MICALL1: variants seen among roughly 807,000 people sequenced by gnomAD.
The protein encoded by MICALL1 is MICAL-like protein 1.
Under a neutral mutation model 83.7 loss-of-function variants are expected in MICALL1, and 61 were observed. The observed-to-expected ratio is 0.73, with a 90% CI of 0.59 to 0.90. The LOEUF (loss-of-function observed/expected upper bound fraction) is 0.90, where lower values mean the gene tolerates loss of function less well. MICALL1 is among the 40% of genes least tolerant of loss of function. The probability of loss-of-function intolerance (pLI) is 0.00; values close to 1 mark genes in which losing one functional copy is unlikely to be tolerated. For synonymous variants in MICALL1, 481 were observed against 473.6 expected (o/e 1.02, Z -0.20); for missense variants, 1,066 against 1,152.0 (o/e 0.93, Z 1.08).
At chr22:37,920,775 T>C (rs1928980913) in intron 5 of MICALL1, among the ~76,000 whole-genome samples, 1 of 151,466 alleles carries the variant, frequency 6.6e-6, no homozygotes, top group South Asian at 2.1e-4. Context: ...CAAAAAAAAT[T>C]AGCCGGGCAT....
chr22:37,941,972 G>T lies in MICALL1; in HGVS notation c.*1142G>T, dbSNP rs968513315. 1.3e-5 allele frequency: 2 copies of T among 152,234 alleles called. No homozygotes were observed. The highest frequency in any genetic ancestry group is 2.1e-4 in the South Asian group (1 of 4,838). 9.4% of individuals were successfully genotyped at this position (152,234 alleles called of 1,614,324 possible). The stretch of plus-strand genomic sequence containing the variant: ...AGATTACACTGTATTAACTCTCGAG[G>T]AGTTTCCTCACCAATAAACAGACAA... On this transcript the variant is annotated 3_prime_UTR_variant, in exon 16 of 16. Coordinates refer to ENST00000215957, the MANE Select transcript of MICALL1 (RefSeq NM_033386.4).
rs759466360 is a variant in MICALL1 at position 37,924,658 on chromosome 22, A to C, written c.1025-2A>C. The C allele has an allele frequency of 6.2e-7, 1 of 1,611,746 alleles. No homozygotes were observed. On this transcript the variant is annotated splice_acceptor_variant, in intron 6 of 15. Coordinates refer to ENST00000215957, the MANE Select transcript of MICALL1 (RefSeq NM_033386.4). LOFTEE classifies it high-confidence loss of function. The surrounding 1 kb of genome is among the most constrained non-coding windows in gnomAD (Gnocchi z 5.2). ...CCTGGCTCACTCTCCTTTCCCATCT[A>C]GGGAGACTGCACGAACTGCCTGTCC... is the stretch of plus-strand genomic sequence containing the variant.
At position 37,924,998 on chromosome 22, in the gene MICALL1, C is replaced by T. The variant is rs1929331973; in HGVS notation, c.1082+281C>T. Reference sequence around the variant, plus strand: ...CTCTCCAGGCTCCTTTGCCCTGTAACATGGGAGGCCGAGGCTTGATTATAG... The same window carrying T: ...CTCTCCAGGCTCCTTTGCCCTGTAATATGGGAGGCCGAGGCTTGATTATAG... On this transcript the variant is annotated intron_variant, in intron 7 of 15. Coordinates refer to ENST00000215957, the MANE Select transcript of MICALL1 (RefSeq NM_033386.4). This position sits in a 1 kb window ranked among gnomAD's most constrained non-coding sequence, Gnocchi z 5.2. Among the ~76,000 whole-genome samples the T allele has an allele frequency of 6.6e-6, 1 of 152,170 alleles. No homozygotes were observed. Among genetic ancestry groups the T allele is most frequent in the African/African-American group, 2.4e-5 (1 of 41,450 alleles).
chr22:37,935,167 C>A (rs899448238), intron 13 of MICALL1, among the ~76,000 whole-genome samples: 4 of 146,892 alleles, frequency 2.7e-5, no homozygotes, highest in Non-Finnish European at 6.0e-5. Flanking sequence ...CTCCTGACCT[C>A]GTGATCCACC....
intron 1 of MICALL1, among the ~76,000 whole-genome samples, chr22:37,908,467 ATTTG>A (rs1210916512): frequency 6.6e-6 from 1 of 151,768 alleles, no homozygotes; most frequent in Non-Finnish European, 1.5e-5. Flanking sequence ...CGCCTGTCTA[ATTTG>A]TTTGTATTTG....
chr22:37,910,930 G>A (rs1928279396), intron 1 of MICALL1, among the ~76,000 whole-genome samples: 1 of 152,228 alleles, frequency 6.6e-6, no homozygotes, highest in South Asian at 2.1e-4. Context: ...CTCAGAGGCG[G>A]CGTGGCCTGC....
intron 10 of MICALL1, 62 bp downstream of exon 10, chr22:37,931,995 T>TGCAGTCTTCCCCTGGGACTCTAAGGAG: frequency 6.3e-7 from 1 of 1,580,870 alleles, no homozygotes; most frequent in Non-Finnish European, 8.6e-7. Flanking sequence ...ACTCTGCAGC[T>TGCAGTCTTCCCCTGGGACTCTAAGGAG]GCAGTCTTCC....
intron 8 of MICALL1, 85 bp from the exon 9 acceptor site, chr22:37,927,326 C>G: frequency 7.1e-7 from 1 of 1,408,306 alleles, no homozygotes; most frequent in East Asian, 2.5e-5. Flanking sequence ...CTGCCTGCGG[C>G]TCTGTTGAGA....
intron 13 of MICALL1, among the ~76,000 whole-genome samples, chr22:37,935,669 C>G (rs1039035315): frequency 6.6e-6 from 1 of 152,030 alleles, no homozygotes; most frequent in Non-Finnish European, 1.5e-5. Context: ...TTTCCTGCCT[C>G]AGCCTCCCCA....
chr22:37,907,856 A>G (rs1928066578), intron 1 of MICALL1, among the ~76,000 whole-genome samples: 1 of 152,226 alleles, frequency 6.6e-6, no homozygotes, highest in African/African-American at 2.4e-5. Context: ...TGTGACACCC[A>G]TACTAATGGA....
At chr22:37,937,257 C>A in intron 14 of MICALL1, 63 bp downstream of exon 14, 17 of 1,243,682 alleles carry the variant, frequency 1.4e-5, no homozygotes, top group Non-Finnish European at 1.8e-5. Flanking sequence ...CTCTGGGCCT[C>A]ATGGGTGGGG....
intron 1 of MICALL1, among the ~76,000 whole-genome samples, chr22:37,910,585 G>C (rs1928254275): frequency 6.6e-6 from 1 of 152,150 alleles, no homozygotes; most frequent in Non-Finnish European, 1.5e-5. Context: ...GGCCTGGTCA[G>C]AGTGGCAAAA....
In MICALL1 at chr22:37,940,873, C is replaced by T. The variant is rs748599074; in HGVS notation, c.*43C>T. ...TGGGGACTGCCCCCTCCTGGAGCAG[C>T]TCCTGGGCTGTGCTCTGTTTGAAGG... is the stretch of plus-strand genomic sequence containing the variant. On this transcript the variant is annotated 3_prime_UTR_variant, in exon 16 of 16. Transcript: ENST00000215957. 1.4e-5 allele frequency: 22 copies of T among 1,610,174 alleles called. No homozygotes were observed. Among genetic ancestry groups the T allele is most frequent in the Non-Finnish European group, 1.7e-5 (20 of 1,177,722 alleles).
rs762364467 is a variant in MICALL1 at position 37,932,567 on chromosome 22, G to A, written c.2031G>A (p.Gln677=). The A allele has an allele frequency of 9.9e-6, 16 of 1,614,162 alleles. No individual in the cohort carries two copies. The highest frequency in any genetic ancestry group is 1.3e-5 in the Non-Finnish European group (15 of 1,180,022). ...CTGTTGGGCAGGTCCAGGCTGACCA[G>A]TACATCCCTGAGGAGGACATCCATG... The part of the protein sequence containing the change: ...PLIKRKVQAD[Q]YIPEEDIHGE... The change falls in exon 11 of 16, where the codon CAG becomes CAA. Residue 677 remains glutamine, a synonymous_variant. Transcript: ENST00000215957. This position sits in a 1 kb window ranked among gnomAD's most constrained non-coding sequence, Gnocchi z 4.4.
rs189890863 is a variant in MICALL1, at chr22:37,909,447, C to T, written c.147-2505C>T. ...GATCTCTGCTCACTGCAAGCTCCAC[C>T]TCTTGGGTTCACGCCATTCTCCTGC... On this transcript the variant is annotated intron_variant, in intron 1 of 15. Coordinates refer to ENST00000215957, the MANE Select transcript of MICALL1 (RefSeq NM_033386.4). 2.6e-5 allele frequency among the ~76,000 whole-genome samples: 4 copies of T among 151,946 alleles called. No homozygotes were observed. In the East Asian group the frequency reaches 7.8e-4, roughly 29 times the overall value.
chr22:37,908,694 A>G (rs1555920960), intron 1 of MICALL1, among the ~76,000 whole-genome samples: 1 of 152,218 alleles, frequency 6.6e-6, no homozygotes, highest in Non-Finnish European at 1.5e-5. Context: ...GGAAGTACCA[A>G]TCGACAAAAC....
intron 5 of MICALL1, 117 bp from the exon 6 acceptor site, chr22:37,921,855 T>C: frequency 1.1e-6 from 1 of 950,654 alleles, no homozygotes; most frequent in Non-Finnish European, 1.6e-6. Context: ...GGAGTCGAGC[T>C]TGGCTGGCAG....
intron 4 of MICALL1, 143 bp from the exon 5 acceptor site, chr22:37,918,893 C>A: frequency 9.6e-7 from 1 of 1,046,640 alleles, no homozygotes; most frequent in Non-Finnish European, 1.3e-6. Context: ...CTCCTGGGGC[C>A]CTGATGAAGT....
rs146083250 is a variant in MICALL1 at position 37,912,422 on chromosome 22, C to G, written c.267C>G (p.Ser89Arg). Residue 89 changes from serine (S) to arginine (R), a missense_variant, in exon 3 of 16, where the codon AGC becomes AGG. Ser to Arg is a moderately radical substitution (Grantham distance 110). Transcript: ENST00000215957. ...LLDPNDMVSM[S>R]VPDCLSIMTY... ...ACCCCAATGACATGGTCTCCATGAG[C>G]GTCCCTGACTGCCTCAGCATCATGA... The G allele has an allele frequency of 6.2e-6, 10 of 1,613,898 alleles. No individual in the cohort carries two copies. In the African/African-American group the frequency reaches 1.2e-4, roughly 19 times the overall value.
Sources: allele counts gnomAD v4.1 joint callset (sites outside exome capture counted in the v4.1 genomes callset), GRCh38; gene constraint gnomAD v4.1.1; non-coding constraint Gnocchi (gnomAD v3.1); transcripts MANE v1.5; gene names NCBI Gene and HGNC (gene_info 2026-07-23, HGNC 2026-07-21).